ABLIM1: variants seen among roughly 807,000 people sequenced by gnomAD.
ABLIM1 encodes the protein actin binding LIM protein 1, also known as actin-binding LIM protein 1.
A neutral mutation model predicts 107.0 loss-of-function variants in ABLIM1; 40 were observed. The observed-to-expected ratio is 0.37, with a 90% CI of 0.29 to 0.49. The LOEUF (loss-of-function observed/expected upper bound fraction) is 0.49, where lower values mean the gene tolerates loss of function less well. ABLIM1 is among the 20% of genes least tolerant of loss of function. The pLI, the probability that ABLIM1 is intolerant of heterozygous loss-of-function variation, is 0.97. For synonymous variants in ABLIM1, 357 were observed against 357.3 expected (o/e 1.00, Z 0.01); for missense variants, 857 against 1,008.5 (o/e 0.85, Z 2.04).
intron 8 of ABLIM1, among the ~76,000 whole-genome samples, chr10:114,475,841 G>A (rs186314506): frequency 4.1e-4 from 62 of 152,270 alleles, no homozygotes; most frequent in African/African-American, 1.4e-3. Flanking sequence ...AAAACTCAAG[G>A]CCTCATTTTG....
intron 1 of ABLIM1, among the ~76,000 whole-genome samples, chr10:114,634,787 C>A (rs550433929): frequency 6.6e-6 from 1 of 152,132 alleles, no homozygotes. Context: ...AAAGTCCCCC[C>A]GCCAATCAGA....
At chr10:114,666,313 G>GCA in intron 1 of ABLIM1, among the ~76,000 whole-genome samples, 2 of 151,900 alleles carry the variant, frequency 1.3e-5, no homozygotes, top group East Asian at 3.9e-4. Context: ...TGGTAATATA[G>GCA]CACAAGTTTA....
At chr10:114,581,726 G>C (rs903171016) in intron 2 of ABLIM1, among the ~76,000 whole-genome samples, 8 of 152,058 alleles carry the variant, frequency 5.3e-5, no homozygotes, top group Non-Finnish European at 1.2e-4. Context: ...CAGGTGGTCA[G>C]CTCTTCTCAG....
chr10:114,632,629 G>A (rs2078261642), intron 1 of ABLIM1: 2 of 985,320 alleles, frequency 2.0e-6, no homozygotes, highest in Non-Finnish European at 2.4e-6. Flanking sequence ...TAGAGACTGA[G>A]AGACAGCCGG....
intron 2 of ABLIM1, among the ~76,000 whole-genome samples, chr10:114,592,598 G>T (rs1447680039): frequency 6.6e-6 from 1 of 152,096 alleles, no homozygotes; most frequent in Admixed American, 6.6e-5. Flanking sequence ...GGGACTGTGG[G>T]TAAAGGCAGA....
At chr10:114,439,871 TG>T in intron 20 of ABLIM1, 1 of 727,088 alleles carries the variant, frequency 1.4e-6, no homozygotes, top group Non-Finnish European at 2.2e-6. Context: ...ACACCTGGCC[TG>T]GTTCATGCAG....
chr10:114,547,205 T>C (rs1474913400), intron 5 of ABLIM1, among the ~76,000 whole-genome samples: 2 of 151,994 alleles, frequency 1.3e-5, no homozygotes, highest in Non-Finnish European at 2.9e-5. Context: ...TTATCCACTA[T>C]TATTGAACAT....
At chr10:114,738,433 AG>A (rs1706672541) in intron 1 of ABLIM1, among the ~76,000 whole-genome samples, 1 of 152,216 alleles carries the variant, frequency 6.6e-6, no homozygotes, top group African/African-American at 2.4e-5. Context: ...AGAGAAACAA[AG>A]TAACTTGTCC....
intron 1 of ABLIM1, among the ~76,000 whole-genome samples, chr10:114,699,687 T>C (rs1346305774): frequency 6.6e-6 from 1 of 152,154 alleles, no homozygotes; most frequent in African/African-American, 2.4e-5. Context: ...ACTCTGGAAG[T>C]GAACATTAAA....
chr10:114,504,781 C>A (rs1262871345), intron 6 of ABLIM1, among the ~76,000 whole-genome samples: 3 of 152,150 alleles, frequency 2.0e-5, no homozygotes, highest in Non-Finnish European at 2.9e-5. Context: ...TGTTTATATG[C>A]CCCAATGCTA....
chr10:114,447,811 T>G, intron 15 of ABLIM1, 69 bp downstream of exon 15: 1 of 1,584,272 alleles, frequency 6.3e-7, no homozygotes, highest in Non-Finnish European at 8.6e-7. Context: ...TTCTTTCATG[T>G]TTTTAAGCAT....
the ABLIM1 span, among the ~76,000 whole-genome samples, chr10:114,799,236 G>A: frequency 4.3e-4 from 66 of 152,330 alleles, no homozygotes; most frequent in African/African-American, 1.5e-3. Flanking sequence ...AAATCTTGGA[G>A]TACCTCTGGG....
intron 1 of ABLIM1, among the ~76,000 whole-genome samples, chr10:114,628,418 T>C (rs928512789): frequency 1.3e-5 from 2 of 152,218 alleles, no homozygotes; most frequent in African/African-American, 2.4e-5. Flanking sequence ...TCTCAAAATA[T>C]CAGTAATGCT....
intron 1 of ABLIM1, among the ~76,000 whole-genome samples, chr10:114,648,014 T>C (rs919857247): frequency 1.3e-5 from 2 of 152,248 alleles, no homozygotes; most frequent in African/African-American, 4.8e-5. Context: ...TGTGTACATA[T>C]GGGAAAACTG....
the ABLIM1 span, among the ~76,000 whole-genome samples, chr10:114,792,733 A>G: frequency 6.6e-6 from 1 of 152,192 alleles, no homozygotes; most frequent in African/African-American, 2.4e-5. Context: ...ATGATTTTCA[A>G]ATTTATATTT....
rs71007472 is a variant in ABLIM1 at position 114,474,384 on chromosome 10, C to CTTT, written c.1042-431_1042-429dup. Among the ~76,000 whole-genome samples the CTTT allele has an allele frequency of 1.2e-3, 168 of 135,932 alleles. 16 individuals are homozygous for CTTT. The highest frequency in any genetic ancestry group is 3.4e-3 in the South Asian group (15 of 4,372). The allele number at this position is 135,932 out of a possible 152,430, so 89.2% of individuals were successfully genotyped here. A position where few individuals can be genotyped will look rare whatever the true frequency, so the allele number is the denominator to read the frequency against. ...CCTGGCAGGCAATGGATAGAGAGAC[C>CTTT]TTTTTTTTTTTTTTGAGACGGAGTC... On this transcript the variant is annotated intron_variant, in intron 8 of 22. Transcript: ENST00000533213.
chr10:114,506,936 G>A (rs2061237386), intron 6 of ABLIM1, among the ~76,000 whole-genome samples: 1 of 152,196 alleles, frequency 6.6e-6, no homozygotes, highest in Admixed American at 6.5e-5. Context: ...CCGGTGCTCT[G>A]TGGGTAGTTG....
chr10:114,538,797 C>T (rs531229156), intron 6 of ABLIM1, among the ~76,000 whole-genome samples: 5 of 152,284 alleles, frequency 3.3e-5, no homozygotes, highest in East Asian at 1.9e-4. Flanking sequence ...GGACGAGGGC[C>T]GAGCGCCTTT....
At chr10:114,610,648 T>C (rs1749442009) in intron 1 of ABLIM1, 1 of 152,242 alleles carries the variant, frequency 6.6e-6, no homozygotes, top group African/African-American at 2.4e-5. Flanking sequence ...CATTTCCTGC[T>C]GTGGCAAGTG....
Sources: allele counts gnomAD v4.1 joint callset (sites outside exome capture counted in the v4.1 genomes callset), GRCh38; gene constraint gnomAD v4.1.1; transcripts MANE v1.5; gene names NCBI Gene and HGNC (gene_info 2026-07-23, HGNC 2026-07-21).